The following ARHGAP19 variants were observed in gnomAD, a reference collection of about 807,000 sequenced individuals.
ARHGAP19 encodes Rho GTPase activating protein 19.
ARHGAP19 carries 48 observed loss-of-function variants against 60.9 expected under a neutral mutation model. The observed-to-expected ratio is 0.79, with a 90% confidence interval of 0.62 to 1.00. The LOEUF (loss-of-function observed/expected upper bound fraction) is 1.00. ARHGAP19 is among the 50% of genes least tolerant of loss of function. ARHGAP19 has a pLI of 0.00. For synonymous variants in ARHGAP19, 209 were observed against 215.5 expected (o/e 0.97, Z 0.27); for missense variants, 562 against 597.2 (o/e 0.94, Z 0.61).
intron 6 of ARHGAP19, among the ~76,000 whole-genome samples, chr10:97,250,828 G>A (rs959072599): frequency 6.6e-6 from 1 of 151,976 alleles, no homozygotes; most frequent in African/African-American, 2.4e-5. Flanking sequence ...CACTTTGGGA[G>A]GCCAAGGCAG....
intron 11 of ARHGAP19, among the ~76,000 whole-genome samples, chr10:97,226,489 G>A (rs1013833190): frequency 2.0e-5 from 3 of 152,144 alleles, no homozygotes; most frequent in Non-Finnish European, 2.9e-5. Context: ...TAATATATAA[G>A]CTATTAAGCA....
chr10:97,229,916 T>C, intron 9 of ARHGAP19, 42 bp from the exon 10 acceptor site: 1 of 1,391,200 alleles, frequency 7.2e-7, no homozygotes, highest in Non-Finnish European at 1.0e-6. Flanking sequence ...AAACACCTAC[T>C]GCATCTACAG....
At chr10:97,280,462 T>G (rs1843069415) in intron 1 of ARHGAP19, among the ~76,000 whole-genome samples, 2 of 152,096 alleles carry the variant, frequency 1.3e-5, no homozygotes, top group African/African-American at 4.8e-5. Flanking sequence ...AATTCCCTAT[T>G]AACTTGGAAA....
chr10:97,287,350 T>C (rs1843168629), intron 1 of ARHGAP19, among the ~76,000 whole-genome samples: 1 of 152,222 alleles, frequency 6.6e-6, no homozygotes, highest in Non-Finnish European at 1.5e-5. Flanking sequence ...AGGACCATTC[T>C]ACTTAATAAA....
intron 1 of ARHGAP19, among the ~76,000 whole-genome samples, chr10:97,273,315 A>G (rs1842983067): frequency 6.6e-6 from 1 of 150,876 alleles, no homozygotes; most frequent in Non-Finnish European, 1.5e-5. Flanking sequence ...GGCACACACC[A>G]CCACACCCAG....
chr10:97,255,152 C>T (rs1842736631), intron 6 of ARHGAP19, among the ~76,000 whole-genome samples: 1 of 152,154 alleles, frequency 6.6e-6, no homozygotes, highest in Non-Finnish European at 1.5e-5. Flanking sequence ...ATGATGGCTA[C>T]ACAACAACGT....
At chr10:97,231,377 T>C (rs1030356787) in intron 9 of ARHGAP19, among the ~76,000 whole-genome samples, 7 of 152,164 alleles carry the variant, frequency 4.6e-5, no homozygotes, top group African/African-American at 1.7e-4. Flanking sequence ...ATTAATAGTG[T>C]TGTGCAACCA....
chr10:97,278,474 G>C (rs992289540), intron 1 of ARHGAP19, among the ~76,000 whole-genome samples: 1 of 152,122 alleles, frequency 6.6e-6, no homozygotes, highest in African/African-American at 2.4e-5. Flanking sequence ...TTTAAAGCCT[G>C]AAAGCTGCAT....
chr10:97,232,517 T>C (rs150471622), intron 9 of ARHGAP19, among the ~76,000 whole-genome samples: 7 of 152,248 alleles, frequency 4.6e-5, no homozygotes, highest in African/African-American at 1.7e-4. Context: ...AGGAGTTCTT[T>C]AGATTATTAT....
intron 8 of ARHGAP19, among the ~76,000 whole-genome samples, chr10:97,243,005 T>C (rs909586128): frequency 1.4e-4 from 22 of 152,194 alleles, no homozygotes; most frequent in Non-Finnish European, 2.4e-4. Flanking sequence ...TGAAACTACT[T>C]AGTTTCTATC....
intron 2 of ARHGAP19, chr10:97,265,616 C>A: frequency 2.0e-6 from 1 of 489,816 alleles, no homozygotes; most frequent in Non-Finnish European, 3.6e-6. Context: ...CCGATGACTA[C>A]CTAAGTTAAT....
intron 1 of ARHGAP19, among the ~76,000 whole-genome samples, chr10:97,291,923 T>C (rs1382689282): frequency 1.3e-5 from 2 of 152,164 alleles, no homozygotes; most frequent in African/African-American, 4.8e-5. Flanking sequence ...AATAAAGTCA[T>C]GATGTCCTGG....
chr10:97,227,898 A>C (rs548801976), intron 11 of ARHGAP19, among the ~76,000 whole-genome samples: 1 of 152,352 alleles, frequency 6.6e-6, no homozygotes, highest in African/African-American at 2.4e-5. Flanking sequence ...TTTCTTTCCA[A>C]GGTAGAGCTG....
chr10:97,289,809 G>C (rs1253400), intron 1 of ARHGAP19, among the ~76,000 whole-genome samples: 46 of 149,814 alleles, frequency 3.1e-4, no homozygotes, highest in African/African-American at 1.1e-3. Flanking sequence ...ACCTGTGATC[G>C]TATCACTGCA....
Position 97,225,215 on chromosome 10 carries a change from G to A in ARHGAP19, c.*907C>T, listed in dbSNP as rs1850873314. 1 of 152,190 alleles carries A rather than the reference G, an allele frequency of 6.6e-6. No homozygotes were observed. Among genetic ancestry groups the A allele is most frequent in the Non-Finnish European group, 1.5e-5 (1 of 68,046 alleles). The allele number at this position is 152,190 out of a possible 1,614,324, so 9.4% of individuals were successfully genotyped here. A position where few individuals can be genotyped will look rare whatever the true frequency, so the allele number is the denominator to read the frequency against. ...AGCAAACTTCTCTTATGCTGTCAGTGACTTTCCTTGAGTCACAGTGATTTG... is the reference window on the plus strand; with the variant it reads ...AGCAAACTTCTCTTATGCTGTCAGTAACTTTCCTTGAGTCACAGTGATTTG... On this transcript the variant is annotated 3_prime_UTR_variant, in exon 12 of 12. Transcript: ENST00000358531.
intron 1 of ARHGAP19, among the ~76,000 whole-genome samples, chr10:97,289,793 G>T (rs1843205299): frequency 6.6e-6 from 1 of 151,384 alleles, no homozygotes; most frequent in Non-Finnish European, 1.5e-5. Context: ...GGTTGAGGCT[G>T]CAGGGACCTG....
At chr10:97,259,656 T>C (rs1183544666) in intron 4 of ARHGAP19, 28 bp from the exon 5 acceptor site, 5 of 1,570,710 alleles carry the variant, frequency 3.2e-6, no homozygotes, top group Non-Finnish European at 4.4e-6. Flanking sequence ...ATTTGCAAAG[T>C]GGGGAGAAAA....
intron 6 of ARHGAP19, among the ~76,000 whole-genome samples, chr10:97,256,056 C>T (rs1355886683): frequency 1.3e-5 from 2 of 152,110 alleles, no homozygotes; most frequent in Admixed American, 6.6e-5. Flanking sequence ...CTAGCTGCCA[C>T]GTGTGCTGCC....
chr10:97,245,783 T>C (rs1422245402), intron 7 of ARHGAP19, among the ~76,000 whole-genome samples: 1 of 152,128 alleles, frequency 6.6e-6, no homozygotes, highest in Non-Finnish European at 1.5e-5. Flanking sequence ...CTATAAAATA[T>C]GTAACACATT....
Sources: allele counts gnomAD v4.1 joint callset (sites outside exome capture counted in the v4.1 genomes callset), GRCh38; gene constraint gnomAD v4.1.1; transcripts MANE v1.5; gene names NCBI Gene and HGNC (gene_info 2026-07-23, HGNC 2026-07-21).